AGBL4: variants seen among roughly 807,000 people sequenced by gnomAD.
AGBL4 encodes the protein AGBL carboxypeptidase 4, also known as cytosolic carboxypeptidase 6.
AGBL4 carries 58 observed loss-of-function variants against 66.4 expected under a neutral mutation model. That is an observed-to-expected ratio of 0.87 (90% CI 0.71 to 1.09). AGBL4 has a LOEUF of 1.09. AGBL4 is among the 50% of genes least tolerant of loss of function. The probability of loss-of-function intolerance (pLI) is 0.00; values close to 1 mark genes in which losing one functional copy is unlikely to be tolerated. For missense variants in AGBL4, 579 were observed against 631.0 expected (o/e 0.92, Z 0.88); for synonymous variants, 234 against 222.9 (o/e 1.05, Z -0.44).
chr1:49,082,828 C>T (rs988395179), intron 4 of AGBL4, among the ~76,000 whole-genome samples: 1 of 152,220 alleles, frequency 6.6e-6, no homozygotes, highest in African/African-American at 2.4e-5. Flanking sequence ...GTCCCTTCCA[C>T]CTATGAGCCT....
intron 3 of AGBL4, among the ~76,000 whole-genome samples, chr1:49,446,399 T>C (rs1429100222): frequency 6.6e-6 from 1 of 152,186 alleles, no homozygotes; most frequent in Non-Finnish European, 1.5e-5. Context: ...TTGGCTTTGA[T>C]TCTGGGTATG....
chr1:49,464,442 C>T (rs1646582256), intron 3 of AGBL4, among the ~76,000 whole-genome samples: 1 of 151,716 alleles, frequency 6.6e-6, no homozygotes, highest in Non-Finnish European at 1.5e-5. Context: ...CGGAGGAAGC[C>T]TTTGTGATAT....
intron 2 of AGBL4, among the ~76,000 whole-genome samples, chr1:49,831,710 A>G (rs1645685333): frequency 6.6e-6 from 1 of 152,220 alleles, no homozygotes; most frequent in South Asian, 2.1e-4. Context: ...GAATTCTTCC[A>G]GCATTTGCCC....
chr1:49,384,162 A>G (rs1291841400), intron 3 of AGBL4, among the ~76,000 whole-genome samples: 2 of 152,136 alleles, frequency 1.3e-5, no homozygotes, highest in African/African-American at 2.4e-5. Flanking sequence ...AAGGCAACCA[A>G]TGGAATGGCA....
intron 3 of AGBL4, among the ~76,000 whole-genome samples, chr1:49,344,936 T>C (rs1031430559): frequency 2.4e-4 from 36 of 152,212 alleles, no homozygotes; most frequent in African/African-American, 8.2e-4. Flanking sequence ...TCATTTTGGC[T>C]AAATAAATGA....
At chr1:49,379,034 A>G (rs771612362) in intron 3 of AGBL4, among the ~76,000 whole-genome samples, 11 of 152,102 alleles carry the variant, frequency 7.2e-5, no homozygotes, top group Non-Finnish European at 1.5e-4. Context: ...CCTCTGGATA[A>G]GGAAAATGTG....
At chr1:48,627,463 C>A (rs319948) in intron 9 of AGBL4, among the ~76,000 whole-genome samples, 1 of 150,544 alleles carries the variant, frequency 6.6e-6, no homozygotes, top group East Asian at 1.9e-4. Context: ...AGTGCTGGTT[C>A]TGTGTGTGTT....
chr1:49,565,001 T>A (rs4926820), intron 3 of AGBL4, among the ~76,000 whole-genome samples: 77,245 of 149,352 alleles, frequency 0.52, 20,976 homozygotes, highest in Middle Eastern at 0.61. Flanking sequence ...CTGTATTGGG[T>A]GCATATATAT....
chr1:49,812,143 T>G (rs1343916408), intron 2 of AGBL4, among the ~76,000 whole-genome samples: 10 of 152,138 alleles, frequency 6.6e-5, no homozygotes, highest in Admixed American at 5.2e-4. Context: ...CTAAAATTCT[T>G]AAGAAAAAAT....
At chr1:48,907,744 T>G (rs984863319) in intron 5 of AGBL4, among the ~76,000 whole-genome samples, 1 of 152,140 alleles carries the variant, frequency 6.6e-6, no homozygotes, top group African/African-American at 2.4e-5. Flanking sequence ...AAGGTTAAAA[T>G]TCAGAGGGGG....
chr1:49,190,395 G>A (rs1647094364), intron 4 of AGBL4, among the ~76,000 whole-genome samples: 1 of 152,176 alleles, frequency 6.6e-6, no homozygotes, highest in South Asian at 2.1e-4. Flanking sequence ...ATGGTTCCCT[G>A]AAGGGAAAAG....
intron 6 of AGBL4, among the ~76,000 whole-genome samples, chr1:48,709,449 A>G (rs913713225): frequency 6.8e-6 from 1 of 146,186 alleles, no homozygotes; most frequent in African/African-American, 2.8e-5. Context: ...ACTAATCTAA[A>G]TAGTTATTTG....
intron 3 of AGBL4, among the ~76,000 whole-genome samples, chr1:49,338,506 T>TTCA (rs947895891): frequency 6.2e-4 from 94 of 152,306 alleles, no homozygotes; most frequent in African/African-American, 2.2e-3. Context: ...ATGGGTTTTA[T>TTCA]TCATCTCTAC....
chr1:49,372,639 C>A (rs1030865026), intron 3 of AGBL4, among the ~76,000 whole-genome samples: 1 of 132,282 alleles, frequency 7.6e-6, no homozygotes, highest in Non-Finnish European at 1.6e-5. Context: ...TTCTTTCTTT[C>A]TTTCTTTCTT....
Position 50,020,919 on chromosome 1 carries a change from G to A in AGBL4, c.34+2844C>T, listed in dbSNP as rs377167887. ...AGGTGACTCCAGCCAGCAATAGCTG[G>A]ACACCTAATCTAAAACCAGTCAATC... is the stretch of plus-strand genomic sequence containing the variant. On this transcript the variant is annotated intron_variant, in intron 1 of 13. Coordinates refer to ENST00000371839, the MANE Select transcript of AGBL4 (RefSeq NM_032785.4). Among the ~76,000 whole-genome samples, 50 of 152,266 alleles carry A rather than the reference G, an allele frequency of 3.3e-4. 1 individual carries two copies. The South Asian group carries it at 9.5e-3, about 29-fold the overall frequency.
chr1:49,204,489 A>T (rs1250910370), intron 4 of AGBL4, among the ~76,000 whole-genome samples: 1 of 152,078 alleles, frequency 6.6e-6, no homozygotes, highest in Admixed American at 6.6e-5. Flanking sequence ...TATGTTGCTC[A>T]GGCTAGTTTA....
At chr1:49,133,055 A>C (rs1322950969) in intron 4 of AGBL4, among the ~76,000 whole-genome samples, 2 of 152,238 alleles carry the variant, frequency 1.3e-5, no homozygotes, top group Non-Finnish European at 2.9e-5. Flanking sequence ...AATATTATGC[A>C]GCCATAAAAA....
chr1:49,171,975 T>A (rs1459338088), intron 4 of AGBL4, among the ~76,000 whole-genome samples: 2 of 152,190 alleles, frequency 1.3e-5, no homozygotes, highest in African/African-American at 4.8e-5. Flanking sequence ...TAATAACCTG[T>A]GCAAATCACA....
chr1:49,233,540 G>A (rs1557751975), intron 4 of AGBL4, among the ~76,000 whole-genome samples: 1 of 152,050 alleles, frequency 6.6e-6, no homozygotes. Flanking sequence ...TTCCCTATTG[G>A]ACTTCACTGC....
Sources: gnomAD v4.1 joint callset for allele counts (sites outside exome capture counted in the v4.1 genomes callset) on GRCh38, gnomAD v4.1.1 for gene constraint, MANE v1.5 for transcripts, NCBI Gene and HGNC (gene_info 2026-07-23, HGNC 2026-07-21) for gene names.